Variants in CRY1 observed in about 807,000 individuals in gnomAD.
CRY1 encodes cryptochrome circadian regulator 1.
Under a neutral mutation model 76.0 loss-of-function variants are expected in CRY1, and 45 were observed. The observed-to-expected ratio is 0.59, with a 90% confidence interval of 0.47 to 0.76. CRY1 has a LOEUF of 0.76. CRY1 is among the 30% of genes least tolerant of loss of function. The pLI, the probability that CRY1 is intolerant of heterozygous loss-of-function variation, is 0.00. For missense variants in CRY1, 587 were observed against 716.4 expected, an observed-to-expected ratio of 0.82 and a Z score of 2.06; for synonymous variants, 248 against 244.0, an observed-to-expected ratio of 1.02 and a Z score of -0.15.
Position 106,994,119 on chromosome 12 carries a change from A to G in CRY1, c.1586-1083T>C, listed in dbSNP as rs141435030. ...AATTTTGCCCTTTGACATGCCTTGT[A>G]AGGTACTATAAAAGCCTACAGACAG... On this transcript the variant is annotated intron_variant, in intron 10 of 12. Transcript: ENST00000008527. 4.0e-3 allele frequency among the ~76,000 whole-genome samples: 613 copies of G among 152,244 alleles called. 1 individual carries two copies. Among genetic ancestry groups the G allele is most frequent in the African/African-American group, 0.014 (586 of 41,540 alleles).
intron 2 of CRY1, among the ~76,000 whole-genome samples, chr12:107,008,534 C>T (rs760252186): frequency 4.6e-5 from 7 of 152,208 alleles, no homozygotes; most frequent in African/African-American, 7.2e-5. Context: ...CATGACTGCA[C>T]TGGCTAGACT....
chr12:107,021,010 G>A (rs1211181208), intron 2 of CRY1, among the ~76,000 whole-genome samples: 5 of 152,174 alleles, frequency 3.3e-5, no homozygotes, highest in Non-Finnish European at 7.3e-5. Context: ...AGTGCTGGGC[G>A]CAGTGGCTCA....
chr12:107,035,488 T>C (rs1171801113), intron 1 of CRY1, among the ~76,000 whole-genome samples: 1 of 152,214 alleles, frequency 6.6e-6, no homozygotes, highest in Non-Finnish European at 1.5e-5. Flanking sequence ...AAAGTGTGTA[T>C]AAGACACTGC....
intron 1 of CRY1, among the ~76,000 whole-genome samples, chr12:107,045,165 C>T (rs566069348): frequency 2.0e-4 from 30 of 151,972 alleles, no homozygotes; most frequent in African/African-American, 7.0e-4. Flanking sequence ...CTCCATTAGA[C>T]TAATAGCAGA....
At chr12:107,045,739 A>T (rs1252824430) in intron 1 of CRY1, among the ~76,000 whole-genome samples, 3 of 151,956 alleles carry the variant, frequency 2.0e-5, no homozygotes, top group African/African-American at 7.3e-5. Context: ...CAGCTCACTC[A>T]TAGTGGGGGA....
rs1441741472 is a variant in CRY1 at position 107,055,450 on chromosome 12, TAAAAA to T, written c.159-33263_159-33259del. Among the ~76,000 whole-genome samples the T allele has an allele frequency of 2.0e-5, 3 of 151,910 alleles. No homozygotes were observed. The East Asian group carries it at 5.8e-4, about 29-fold the overall frequency. On this transcript the variant is annotated intron_variant, in intron 1 of 12. Transcript: ENST00000008527. ...TACACACCTAAATAATTGTATCAGA[TAAAAA>T]GGAAAGGCTAAAAATAGCCTAAGAA...
In CRY1 at chr12:107,005,065, T is replaced by C; in HGVS notation, c.410+41A>G. 3 of 1,573,096 alleles carry C rather than the reference T, an allele frequency of 1.9e-6. No homozygotes were observed. The South Asian group carries it at 3.4e-5, about 18-fold the overall frequency. On this transcript the variant is annotated intron_variant, in intron 3 of 12. Transcript: ENST00000008527. ...ATGGTTAAGATGGTAAATATTATGT[T>C]ATACGCATTTTCCCACAGTAAAAAA...
chr12:107,024,218 T>TTC lies in CRY1; in HGVS notation c.159-2028_159-2027dup, dbSNP rs1346115433. 5.3e-5 allele frequency among the ~76,000 whole-genome samples: 8 copies of TTC among 152,224 alleles called. No individual in the cohort carries two copies. In the South Asian group the frequency reaches 1.5e-3, roughly 28 times the overall value. On this transcript the variant is annotated intron_variant, in intron 1 of 12. Transcript: ENST00000008527. ...GAGTAAGAACTGAGAACAGCAAGAGTTCTCCATATTCAACTTTTTGGTCAA... is the reference window on the plus strand; with the variant it reads ...GAGTAAGAACTGAGAACAGCAAGAGTTCTCTCCATATTCAACTTTTTGGTCAA...
chr12:107,015,573 A>G (rs1593504008), intron 2 of CRY1, among the ~76,000 whole-genome samples: 1 of 152,164 alleles, frequency 6.6e-6, no homozygotes, highest in African/African-American at 2.4e-5. Flanking sequence ...TACTCGTTAG[A>G]GCAGGTTTTT....
chr12:107,040,385 A>G (rs1342624312), intron 1 of CRY1, among the ~76,000 whole-genome samples: 4 of 148,702 alleles, frequency 2.7e-5, no homozygotes, highest in Admixed American at 1.4e-4. Flanking sequence ...CTCCTGGTTC[A>G]AGTGATTTTT....
chr12:106,992,923 GA>G, intron 11 of CRY1, 33 bp from the exon 12 acceptor site: 1 of 1,613,826 alleles, frequency 6.2e-7, no homozygotes, highest in Non-Finnish European at 8.5e-7. Flanking sequence ...TTTAAGATAG[GA>G]AAAGGAAAAA....
chr12:107,005,591 C>T (rs1952364501), intron 2 of CRY1, among the ~76,000 whole-genome samples: 1 of 152,148 alleles, frequency 6.6e-6, no homozygotes, highest in Non-Finnish European at 1.5e-5. Flanking sequence ...GAGTTTGGCA[C>T]TTTGGTTAGT....
At chr12:107,040,500 G>T (rs1281860359) in intron 1 of CRY1, among the ~76,000 whole-genome samples, 2 of 151,804 alleles carry the variant, frequency 1.3e-5, no homozygotes, top group East Asian at 3.9e-4. Context: ...TGGCCAGGCT[G>T]GTTTCAAACT....
At chr12:106,993,151 T>G (rs769834300) in intron 10 of CRY1, 115 bp from the exon 11 acceptor site, 492 of 917,570 alleles carry the variant, frequency 5.4e-4, no homozygotes, top group Middle Eastern at 4.0e-3. Flanking sequence ...TATATGCTTT[T>G]AAGACTAAAT....
chr12:107,001,670 A>T, intron 4 of CRY1, 94 bp downstream of exon 4: 1 of 1,182,214 alleles, frequency 8.5e-7, no homozygotes. Context: ...CCTAATGCAA[A>T]ATACTTTACA....
chr12:107,054,858 C>A (rs1294148288), intron 1 of CRY1, among the ~76,000 whole-genome samples: 1 of 151,992 alleles, frequency 6.6e-6, no homozygotes, highest in East Asian at 1.9e-4. Flanking sequence ...CAAAAGCCTT[C>A]ACTTCACCAG....
Position 106,993,036 on chromosome 12 carries a change from C to T in CRY1, c.1586G>A (p.Ser529Asn). The T allele has an allele frequency of 6.2e-7, 1 of 1,613,776 alleles. No individual in the cohort carries two copies. The highest frequency in any genetic ancestry group is 8.5e-7 in the Non-Finnish European group (1 of 1,179,746). ...ENIPGCSSSG[S>N]CSQGSGILHY... ...TAAAATACCACTCCCTTGAGAGCAA[C>T]CTGTTAGTATTTAAAACACAGTAAA... Residue 529 changes from serine to asparagine, a missense_variant and splice_region_variant, in exon 11 of 13, where the codon AGT (serine) becomes AAT (asparagine). Ser to Asn is a conservative substitution (Grantham distance 46). Coordinates refer to ENST00000008527, the MANE Select transcript of CRY1 (RefSeq NM_004075.5).
At position 106,991,548 on chromosome 12, in the gene CRY1, T is replaced by C. The variant is rs1952180600; in HGVS notation, c.*454A>G. 6.6e-6 allele frequency: 1 copy of C among 152,604 alleles called. No homozygotes were observed. Among genetic ancestry groups the C allele is most frequent in the African/African-American group, 2.4e-5 (1 of 41,450 alleles). The allele number at this position is 152,604 out of a possible 1,614,324, so 9.5% of individuals were successfully genotyped here. ...CAATACCAATTTGGATTACGCACATTATCTAAAACATTATTATCAAAGAGT... is the reference window on the plus strand; with the variant it reads ...CAATACCAATTTGGATTACGCACATCATCTAAAACATTATTATCAAAGAGT... On this transcript the variant is annotated 3_prime_UTR_variant, in exon 13 of 13. Transcript: ENST00000008527.
intron 1 of CRY1, among the ~76,000 whole-genome samples, chr12:107,073,603 C>A (rs565657488): frequency 6.6e-6 from 1 of 152,026 alleles, no homozygotes; most frequent in Non-Finnish European, 1.5e-5. Flanking sequence ...GTGGTGCATG[C>A]CTGTAATCCC....
Sources: allele counts gnomAD v4.1 joint callset (sites outside exome capture counted in the v4.1 genomes callset), GRCh38; gene constraint gnomAD v4.1.1; transcripts MANE v1.5; gene names NCBI Gene and HGNC (gene_info 2026-07-23, HGNC 2026-07-21).